The following APBB3 variants were observed in gnomAD, a reference collection of about 807,000 sequenced individuals.
The protein encoded by APBB3 is amyloid-beta A4 precursor protein-binding family B member 3.
Under a neutral mutation model 61.5 loss-of-function variants are expected in APBB3, and 50 were observed. That is an observed-to-expected ratio of 0.81 (90% CI 0.65 to 1.03). The LOEUF (loss-of-function observed/expected upper bound fraction) is 1.03, where lower values mean the gene tolerates loss of function less well. Ranked by LOEUF, APBB3 falls within the 50% of genes least tolerant of loss-of-function variation. The pLI is 0.00. For missense variants in APBB3, 550 were observed against 637.4 expected, an observed-to-expected ratio of 0.86 and a Z score of 1.48; for synonymous variants, 235 against 233.0, an observed-to-expected ratio of 1.01 and a Z score of -0.08.
intron 4 of APBB3, 51 bp downstream of exon 4, chr5:140,562,612 C>T (rs1288203068): frequency 6.2e-7 from 1 of 1,612,106 alleles, no homozygotes; most frequent in African/African-American, 1.3e-5. Context: ...TCCAATCCCA[C>T]CCTTGTCTTT....
rs1195317449 is a variant in APBB3, at chr5:140,564,562, C to A, written c.-317G>T. 1.1e-5 allele frequency: 6 copies of A among 533,814 alleles called. No individual in the cohort carries two copies. The highest frequency in any genetic ancestry group is 2.0e-5 in the Non-Finnish European group (6 of 302,352). 33.1% of individuals were successfully genotyped at this position (533,814 alleles called of 1,614,324 possible). ...GCTGACACCACCGCCCAACTATGAA[C>A]TCATCAGGCGCCTGAAGACCGACAC... On this transcript the variant is annotated 5_prime_UTR_variant, in exon 1 of 13. Coordinates refer to ENST00000357560, the MANE Select transcript of APBB3 (RefSeq NM_133173.3). The surrounding 1 kb of genome is among the most constrained non-coding windows in gnomAD (Gnocchi z 5.0).
Position 140,561,029 on chromosome 5 carries a change from G to A in APBB3, c.905C>T (p.Thr302Ile), listed in dbSNP as rs1232437981. The change falls in exon 10 of 13, where the codon ACC becomes ATC. Residue 302 changes from threonine to isoleucine, a missense_variant. Around this residue, in one of 3 missense-constraint regions of APBB3, gnomAD observed 405 missense variants for 483.4 expected, o/e 0.84. Transcript: ENST00000357560. ...CCCTCAGTCCTCACCCATGGCCTTG[G>A]TGACTGGCAGTGTCCCCATATACAG... ...EALYMGTLPV[T>I]KAMGMDVLNE... 12 of 1,613,058 alleles carry A rather than the reference G, an allele frequency of 7.4e-6. No homozygotes were observed. The highest frequency in any genetic ancestry group is 1.0e-5 in the Non-Finnish European group (12 of 1,180,030).
chr5:140,563,412 G>T, intron 3 of APBB3, 182 bp downstream of exon 3: 1 of 693,828 alleles, frequency 1.4e-6, no homozygotes, highest in Non-Finnish European at 2.5e-6. Context: ...CAAGAGCTTA[G>T]AACAAGGGAT....
chr5:140,560,167 A>G lies in APBB3; in HGVS notation c.1224+146T>C. On this transcript the variant is annotated intron_variant, in intron 12 of 12. Transcript: ENST00000357560. The surrounding 1 kb of genome is among the most constrained non-coding windows in gnomAD (Gnocchi z 5.1). Reference sequence around the variant, plus strand: ...TATTGGCAACTAATTAAAACTTACTAAAAACAACATGAGGGCCAAAACATT... The same window carrying G: ...TATTGGCAACTAATTAAAACTTACTGAAAACAACATGAGGGCCAAAACATT... 2.3e-6 allele frequency: 2 copies of G among 864,910 alleles called. No individual in the cohort carries two copies. The highest frequency in any genetic ancestry group is 1.9e-5 in the South Asian group (1 of 53,076). 53.6% of individuals were successfully genotyped at this position (864,910 alleles called of 1,614,324 possible).
In APBB3 at chr5:140,564,052, A is replaced by G; in HGVS notation, c.50-137T>C. On this transcript the variant is annotated intron_variant, in intron 1 of 12. Transcript: ENST00000357560. The surrounding 1 kb of genome is among the most constrained non-coding windows in gnomAD (Gnocchi z 5.0). ...ATCCAGGCTCCTCAATCTTGAAGAC[A>G]TCACATGTAAAGACCGGGTTCATTC... is the stretch of plus-strand genomic sequence containing the variant. 6.8e-7 allele frequency: 1 copy of G among 1,463,860 alleles called. No homozygotes were observed. Among genetic ancestry groups the G allele is most frequent in the Admixed American group, 2.0e-5 (1 of 49,414 alleles). The allele number at this position is 1,463,860 out of a possible 1,614,324, so 90.7% of individuals were successfully genotyped here.
At chr5:140,561,516 C>G in intron 8 of APBB3, 67 bp from the exon 9 acceptor site, 1 of 1,613,342 alleles carries the variant, frequency 6.2e-7, no homozygotes, top group Non-Finnish European at 8.5e-7. Context: ...GGGCCAATAC[C>G]ACCCCAACTA....
chr5:140,560,594 C>T lies in APBB3; in HGVS notation c.1032+45G>A. On this transcript the variant is annotated intron_variant, in intron 11 of 12. Transcript: ENST00000357560. This position sits in a 1 kb window ranked among gnomAD's most constrained non-coding sequence, Gnocchi z 5.1. ...CAGCAAGCAGTGACCCCTCAGCATC[C>T]CTGCTCACCCCTCCAAAGCCCCCAA... 1 of 1,608,256 alleles carries T rather than the reference C, an allele frequency of 6.2e-7. No homozygotes were observed. The highest frequency in any genetic ancestry group is 8.5e-7 in the Non-Finnish European group (1 of 1,175,174).
intron 12 of APBB3, among the ~76,000 whole-genome samples, chr5:140,559,559 C>T (rs1390071160): frequency 2.0e-5 from 3 of 152,208 alleles, no homozygotes; most frequent in Admixed American, 6.5e-5. Flanking sequence ...CCTCTCACTA[C>T]GTCCCCCTTG....
intron 6 of APBB3, 113 bp from the exon 7 acceptor site, chr5:140,561,962 CAGGGGA>C (rs1754976368): frequency 6.2e-7 from 1 of 1,611,036 alleles, no homozygotes; most frequent in East Asian, 2.2e-5. Context: ...CTGGACCAGG[CAGGGGA>C]AGCAGTCCTG....
rs748318661 is a variant in APBB3 at position 140,560,678 on chromosome 5, G to A, written c.993C>T (p.Leu331=). ...GDRNAWVPTM[L]SVSDSLMTAH... The stretch of plus-strand genomic sequence containing the variant: ...CAGTCATGAGAGAGTCAGACACACT[G>A]AGCATGGTGGGGACCCAGGCATTCC... Residue 331 remains leucine (L), a synonymous_variant, in exon 11 of 13, where the codon CTC becomes CTT. Coordinates refer to ENST00000357560, the MANE Select transcript of APBB3 (RefSeq NM_133173.3). This position sits in a 1 kb window ranked among gnomAD's most constrained non-coding sequence, Gnocchi z 5.1. 4.3e-6 allele frequency: 7 copies of A among 1,614,204 alleles called. No homozygotes were observed. Among genetic ancestry groups the A allele is most frequent in the Non-Finnish European group, 5.1e-6 (6 of 1,180,032 alleles).
Position 140,560,232 on chromosome 5 carries a change from G to A in APBB3, c.1224+81C>T. 6.7e-7 allele frequency: 1 copy of A among 1,493,210 alleles called. No individual in the cohort carries two copies. Among genetic ancestry groups the A allele is most frequent in the Non-Finnish European group, 9.1e-7 (1 of 1,097,148 alleles). The allele number at this position is 1,493,210 out of a possible 1,614,324, so 92.5% of individuals were successfully genotyped here. The stretch of plus-strand genomic sequence containing the variant: ...AGCCCAGGTTTGTGATCTCTGAAGA[G>A]GCTGCCGACCCGGAGCCCAAGTAAA... On this transcript the variant is annotated intron_variant, in intron 12 of 12. Transcript: ENST00000357560. The surrounding 1 kb of genome is among the most constrained non-coding windows in gnomAD (Gnocchi z 5.1).
Position 140,560,633 on chromosome 5 carries a change from T to C in APBB3, c.1032+6A>G, listed in dbSNP as rs375255513. 9.2e-5 allele frequency: 148 copies of C among 1,613,680 alleles called. No homozygotes were observed. Among genetic ancestry groups the C allele is most frequent in the Non-Finnish European group, 1.1e-4 (129 of 1,179,750 alleles). On this transcript the variant is annotated splice_donor_region_variant and intron_variant, in intron 11 of 12. Coordinates refer to ENST00000357560, the MANE Select transcript of APBB3 (RefSeq NM_133173.3). This position sits in a 1 kb window ranked among gnomAD's most constrained non-coding sequence, Gnocchi z 5.1. The stretch of plus-strand genomic sequence containing the variant: ...CAAAGCCCCCAACTTCACCCTCTTC[T>C]GGTACCTGAATGGGGTGTGCAGTCA...
At chr5:140,561,140 A>C in intron 9 of APBB3, 39 bp from the exon 10 acceptor site, 1 of 1,610,472 alleles carries the variant, frequency 6.2e-7, no homozygotes, top group Non-Finnish European at 8.5e-7. Context: ...AAGCTCTTTC[A>C]ATTACCCTTT....
chr5:140,561,429 C>T lies in APBB3; in HGVS notation c.768G>A (p.Glu256=), dbSNP rs756742552. 6.2e-7 allele frequency: 1 copy of T among 1,614,192 alleles called. No individual in the cohort carries two copies. The highest frequency in any genetic ancestry group is 1.7e-5 in the Admixed American group (1 of 60,032). The stretch of plus-strand genomic sequence containing the variant: ...AGCAGCAAGAGGCATCACCACTGAC[C>T]TCTACTCGCTCTGACAAGATCTAAA... ...LCAQILSERV[E]VSGDASCCSP... Residue 256 remains glutamate, a synonymous_variant, in exon 9 of 13, where the codon GAG becomes GAA. Coordinates refer to ENST00000357560, the MANE Select transcript of APBB3 (RefSeq NM_133173.3).
intron 2 of APBB3, 29 bp from the exon 3 acceptor site, chr5:140,563,699 A>T (rs368991310): frequency 4.5e-5 from 73 of 1,613,988 alleles, no homozygotes; most frequent in Non-Finnish European, 5.2e-5. Context: ...TCAGTTTAAC[A>T]GCAGACCTAG....
At chr5:140,561,752 C>A in intron 7 of APBB3, 51 bp from the exon 8 acceptor site, 2 of 1,613,994 alleles carry the variant, frequency 1.2e-6, no homozygotes, top group Non-Finnish European at 1.7e-6. Context: ...GAGGCAGGAG[C>A]CTGCAGGAGG....
rs769144687 is a variant in APBB3, at chr5:140,564,053, T to C, written c.50-138A>G. 8.2e-5 allele frequency: 120 copies of C among 1,464,306 alleles called. No individual in the cohort carries two copies. The highest frequency in any genetic ancestry group is 9.9e-5 in the Non-Finnish European group (107 of 1,077,676). The allele number at this position is 1,464,306 out of a possible 1,614,324, so 90.7% of individuals were successfully genotyped here. A position where few individuals can be genotyped will look rare whatever the true frequency, so the allele number is the denominator to read the frequency against. ...TCCAGGCTCCTCAATCTTGAAGACA[T>C]CACATGTAAAGACCGGGTTCATTCG... On this transcript the variant is annotated intron_variant, in intron 1 of 12. Transcript: ENST00000357560. This position sits in a 1 kb window ranked among gnomAD's most constrained non-coding sequence, Gnocchi z 5.0.
intron 12 of APBB3, among the ~76,000 whole-genome samples, chr5:140,559,980 T>G (rs190492127): frequency 6.6e-6 from 1 of 152,352 alleles, no homozygotes; most frequent in East Asian, 1.9e-4. Context: ...GAAATAAACC[T>G]AAATGAGACA....
chr5:140,563,513 G>T, intron 3 of APBB3, 81 bp downstream of exon 3: 1 of 1,540,678 alleles, frequency 6.5e-7, no homozygotes, highest in Non-Finnish European at 9.0e-7. Context: ...AACCTGGGCT[G>T]GAAAGCAGAC....
Sources: allele counts gnomAD v4.1 joint callset (sites outside exome capture counted in the v4.1 genomes callset), GRCh38; gene constraint gnomAD v4.1.1; regional missense constraint gnomAD v4.1.1; non-coding constraint Gnocchi (gnomAD v3.1); transcripts MANE v1.5; gene names NCBI Gene and HGNC (gene_info 2026-07-23, HGNC 2026-07-21).